ERBB4: variants seen among roughly 807,000 people sequenced by gnomAD.
The protein encoded by ERBB4 is erb-b2 receptor tyrosine kinase 4.
A neutral mutation model predicts 158.0 loss-of-function variants in ERBB4; 42 were observed. The ratio of observed to expected loss-of-function variants is 0.27; its 90% CI spans 0.21 to 0.34. The LOEUF is 0.34. Among genes scored for constraint, ERBB4 ranks in the 10% least tolerant of loss-of-function variants. The pLI is 1.00. For missense variants in ERBB4, 1,333 were observed against 1,624.1 expected, an observed-to-expected ratio of 0.82 and a Z score of 3.08; for synonymous variants, 583 against 558.7, an observed-to-expected ratio of 1.04 and a Z score of -0.61.
Position 211,665,365 on chromosome 2 carries a change from G to C in ERBB4, c.1829C>G (p.Pro610Arg), listed in dbSNP as rs756272680. The C allele has an allele frequency of 4.5e-5, 73 of 1,614,044 alleles. No homozygotes were observed. The highest frequency in any genetic ancestry group is 6.0e-5 in the Non-Finnish European group (71 of 1,180,038). ...ANSFIFKYAD[P>R]DRECHPCHPN... ...ATGGCATGGGTGGCACTCCCGATCT[G>C]GATCAGCATACTTGAAAATGAAACT... Residue 610 changes from proline to arginine, a missense_variant, in exon 15 of 28, where the codon CCA (proline) becomes CGA (arginine). Pro to Arg is a moderately radical substitution (Grantham distance 103, BLOSUM62 -2). Coordinates refer to ENST00000342788, the MANE Select transcript of ERBB4 (RefSeq NM_005235.3).
Position 211,654,374 on chromosome 2 carries a change from G to A in ERBB4, c.1946+3380C>T, listed in dbSNP as rs186271226. The stretch of plus-strand genomic sequence containing the variant: ...CATTATATTTAAGTTCTAAATAGGC[G>A]TTAATGAAAGATATCTAGAGTTTCC... On this transcript the variant is annotated intron_variant, in intron 16 of 27. Transcript: ENST00000342788. Among the ~76,000 whole-genome samples, 281 of 152,286 alleles carry A rather than the reference G, an allele frequency of 1.8e-3. 1 individual carries two copies. Among genetic ancestry groups the A allele is most frequent in the African/African-American group, 6.3e-3 (263 of 41,560 alleles).
intron 2 of ERBB4, among the ~76,000 whole-genome samples, chr2:212,006,845 CTG>C (rs1290858896): frequency 1.3e-5 from 2 of 151,994 alleles, no homozygotes; most frequent in Non-Finnish European, 2.9e-5. Context: ...TAAAATAACA[CTG>C]TATTTTATTG....
At chr2:211,495,603 C>T (rs546422356) in intron 20 of ERBB4, among the ~76,000 whole-genome samples, 8 of 152,002 alleles carry the variant, frequency 5.3e-5, no homozygotes, top group Non-Finnish European at 8.8e-5. Context: ...ATATTTGAAT[C>T]TCTCTAATAT....
At chr2:212,410,340 A>C (rs2091461211) in intron 1 of ERBB4, among the ~76,000 whole-genome samples, 1 of 152,006 alleles carries the variant, frequency 6.6e-6, no homozygotes, top group Non-Finnish European at 1.5e-5. Flanking sequence ...TTACGTACAA[A>C]TCATCACAAA....
intron 1 of ERBB4, among the ~76,000 whole-genome samples, chr2:212,481,927 CT>C (rs1414992760): frequency 6.6e-6 from 1 of 152,186 alleles, no homozygotes; most frequent in Non-Finnish European, 1.5e-5. Context: ...AGAGTTATTG[CT>C]TTTAAGTCTT....
At chr2:211,641,081 G>A (rs2070567330) in intron 16 of ERBB4, among the ~76,000 whole-genome samples, 1 of 151,980 alleles carries the variant, frequency 6.6e-6, no homozygotes, top group African/African-American at 2.4e-5. Flanking sequence ...TGTTATTCTT[G>A]TAATTTCAAG....
At chr2:211,876,304 C>T (rs2078499255) in intron 3 of ERBB4, among the ~76,000 whole-genome samples, 1 of 152,056 alleles carries the variant, frequency 6.6e-6, no homozygotes. Flanking sequence ...CTTAATTTTA[C>T]TCTAACTCTA....
At chr2:211,577,398 A>C (rs1290403471) in intron 19 of ERBB4, among the ~76,000 whole-genome samples, 1 of 152,026 alleles carries the variant, frequency 6.6e-6, no homozygotes, top group Non-Finnish European at 1.5e-5. Flanking sequence ...AATAACAGAT[A>C]ATCAAGTACC....
intron 2 of ERBB4, among the ~76,000 whole-genome samples, chr2:212,032,809 T>C (rs1213649587): frequency 6.6e-6 from 1 of 151,918 alleles, no homozygotes; most frequent in African/African-American, 2.4e-5. Context: ...AGAGAGTGGT[T>C]CCTGAAATAA....
At chr2:212,479,694 G>T (rs1689589165) in intron 1 of ERBB4, among the ~76,000 whole-genome samples, 1 of 152,092 alleles carries the variant, frequency 6.6e-6, no homozygotes, top group Admixed American at 6.6e-5. Context: ...CTGTCTGGTT[G>T]CCCTACATGT....
At chr2:211,662,679 G>A (rs1028334612) in intron 15 of ERBB4, among the ~76,000 whole-genome samples, 6 of 152,144 alleles carry the variant, frequency 3.9e-5, no homozygotes, top group Admixed American at 3.3e-4. Flanking sequence ...CTTCTGATAA[G>A]GAGTAAATAG....
At chr2:212,226,533 T>C (rs910382888) in intron 1 of ERBB4, among the ~76,000 whole-genome samples, 4 of 152,156 alleles carry the variant, frequency 2.6e-5, no homozygotes, top group Non-Finnish European at 5.9e-5. Flanking sequence ...ACCATAATTA[T>C]ATAGTTTTAG....
In ERBB4 at chr2:211,463,314, T is replaced by C. The variant is rs114174732; in HGVS notation, c.2488-32214A>G. The stretch of plus-strand genomic sequence containing the variant: ...GTTCATGTACAAATTGCAAAGCTAC[T>C]CACTTGATTAAGAAGGCTAATTTAA... On this transcript the variant is annotated intron_variant, in intron 20 of 27. Coordinates refer to ENST00000342788, the MANE Select transcript of ERBB4 (RefSeq NM_005235.3). Among the ~76,000 whole-genome samples the C allele has an allele frequency of 5.6e-4, 85 of 152,292 alleles. 1 individual carries two copies. In the Middle Eastern group the frequency reaches 0.014, roughly 24 times the overall value.
At position 211,382,997 on chromosome 2, in the gene ERBB4, A is replaced by T. The variant is rs1260128493; in HGVS notation, c.*618T>A. On this transcript the variant is annotated 3_prime_UTR_variant, in exon 28 of 28. Transcript: ENST00000342788. Reference sequence around the variant, plus strand: ...ACCAAAAAGTGTTGAAAACATAATTACTAGTTATAACTTTAATGGAGATTT... The same window carrying T: ...ACCAAAAAGTGTTGAAAACATAATTTCTAGTTATAACTTTAATGGAGATTT... 4.3e-6 allele frequency: 1 copy of T among 232,610 alleles called. No homozygotes were observed. The highest frequency in any genetic ancestry group is 8.5e-6 in the Non-Finnish European group (1 of 117,794). The allele number at this position is 232,610 out of a possible 1,614,324, so 14.4% of individuals were successfully genotyped here. A position where few individuals can be genotyped will look rare whatever the true frequency, so the allele number is the denominator to read the frequency against.
chr2:211,494,693 C>A (rs139694207), intron 20 of ERBB4, among the ~76,000 whole-genome samples: 103 of 152,142 alleles, frequency 6.8e-4, no homozygotes, highest in African/African-American at 2.3e-3. Context: ...TTTTAAAAGG[C>A]GTTTGTTGTG....
At chr2:211,545,238 A>C (rs1559280765) in intron 20 of ERBB4, among the ~76,000 whole-genome samples, 1 of 152,100 alleles carries the variant, frequency 6.6e-6, no homozygotes. Context: ...GATAAAGTAG[A>C]AAAGAACACA....
At chr2:212,117,614 G>A (rs1007923454) in intron 2 of ERBB4, among the ~76,000 whole-genome samples, 4 of 152,148 alleles carry the variant, frequency 2.6e-5, no homozygotes, top group Admixed American at 1.3e-4. Context: ...GGCTTGTATA[G>A]TAGGAACTAT....
chr2:212,175,449 C>A (rs2081635506), intron 1 of ERBB4, among the ~76,000 whole-genome samples: 1 of 151,906 alleles, frequency 6.6e-6, no homozygotes, highest in Non-Finnish European at 1.5e-5. Context: ...AGAAAACAAT[C>A]TGACTTATCA....
At chr2:212,037,311 A>G (rs1178414553) in intron 2 of ERBB4, among the ~76,000 whole-genome samples, 2 of 152,180 alleles carry the variant, frequency 1.3e-5, no homozygotes, top group African/African-American at 4.8e-5. Context: ...CTGCTATGTT[A>G]GAGAGGGAAC....
Sources: allele counts gnomAD v4.1 joint callset (sites outside exome capture counted in the v4.1 genomes callset), GRCh38; gene constraint gnomAD v4.1.1; transcripts MANE v1.5; gene names NCBI Gene and HGNC (gene_info 2026-07-23, HGNC 2026-07-21).